Variants in SUPT16H observed in about 807,000 individuals in gnomAD.
SUPT16H encodes FACT complex subunit SPT16.
SUPT16H carries 24 observed loss-of-function variants against 136.2 expected under a neutral mutation model. The ratio of observed to expected loss-of-function variants is 0.18; its 90% CI spans 0.13 to 0.25. SUPT16H has a LOEUF of 0.25. Ranked by LOEUF, SUPT16H falls within the 10% of genes least tolerant of loss-of-function variation. The probability of loss-of-function intolerance (pLI) is 1.00; values close to 1 mark genes in which losing one functional copy is unlikely to be tolerated. For missense variants in SUPT16H, 623 were observed against 1,270.2 expected (o/e 0.49, Z 7.74); for synonymous variants, 415 against 428.2 (o/e 0.97, Z 0.38).
intron 1 of SUPT16H, among the ~76,000 whole-genome samples, chr14:21,382,195 A>G (rs1336560988): frequency 6.6e-6 from 1 of 152,232 alleles, no homozygotes; most frequent in Non-Finnish European, 1.5e-5. Context: ...GTTTTTCATA[A>G]TAGCCACAGG....
chr14:21,357,446 A>C, intron 21 of SUPT16H, 80 bp from the exon 22 acceptor site: 1 of 1,379,510 alleles, frequency 7.2e-7, no homozygotes. Flanking sequence ...TCATGATCTA[A>C]ATCACTACAT....
intron 2 of SUPT16H, 139 bp from the exon 3 acceptor site, chr14:21,372,183 G>T: frequency 1.0e-6 from 1 of 956,634 alleles, no homozygotes; most frequent in Non-Finnish European, 1.5e-6. Flanking sequence ...GGAGTCTGGA[G>T]TGGATACAAA....
At chr14:21,376,794 T>G (rs1886911186) in intron 1 of SUPT16H, among the ~76,000 whole-genome samples, 1 of 152,216 alleles carries the variant, frequency 6.6e-6, no homozygotes, top group Non-Finnish European at 1.5e-5. Flanking sequence ...TCTTTTAATA[T>G]TCTATGTAAA....
In SUPT16H at chr14:21,369,107, CAA is replaced by C. The variant is rs569199471; in HGVS notation, c.782+95_782+96del. 205 of 1,423,152 alleles carry C rather than the reference CAA, an allele frequency of 1.4e-4. No individual in the cohort carries two copies. The African/African-American group carries it at 2.8e-3, about 20-fold the overall frequency. 88.2% of individuals were successfully genotyped at this position (1,423,152 alleles called of 1,614,324 possible). ...ACACTATACATTATATACTTGTAGC[CAA>C]ATTTCAGTGTACCCCACAAATTTGT... On this transcript the variant is annotated intron_variant, in intron 6 of 25. Coordinates refer to ENST00000216297, the MANE Select transcript of SUPT16H (RefSeq NM_007192.4).
At chr14:21,377,668 G>T (rs143281983) in intron 1 of SUPT16H, among the ~76,000 whole-genome samples, 2,017 of 151,832 alleles carry the variant, frequency 0.013, 42 homozygotes, top group African/African-American at 0.047. Flanking sequence ...CTGTTGCCCA[G>T]GTTGGAGTGC....
chr14:21,364,989 G>C lies in SUPT16H; in HGVS notation c.1121-50C>G, dbSNP rs373165532. ...TCTGTGGCTGTGACAATGTGGAGAGGTGTGAGACATATGCCTAAAAGAAAA... is the reference window on the plus strand; with the variant it reads ...TCTGTGGCTGTGACAATGTGGAGAGCTGTGAGACATATGCCTAAAAGAAAA... On this transcript the variant is annotated intron_variant, in intron 9 of 25. Coordinates refer to ENST00000216297, the MANE Select transcript of SUPT16H (RefSeq NM_007192.4). 36 of 1,605,912 alleles carry C rather than the reference G, an allele frequency of 2.2e-5. No homozygotes were observed. The African/African-American group carries it at 4.6e-4, about 20-fold the overall frequency.
At chr14:21,372,596 T>C (rs1886810833) in intron 2 of SUPT16H, 3 of 406,980 alleles carry the variant, frequency 7.4e-6, no homozygotes, top group Non-Finnish European at 1.4e-5. Context: ...TCTCTGTCTC[T>C]TTTTGCTTGG....
intron 6 of SUPT16H, among the ~76,000 whole-genome samples, chr14:21,368,682 G>A (rs1886723735): frequency 6.6e-6 from 1 of 152,150 alleles, no homozygotes; most frequent in South Asian, 2.1e-4. Context: ...AGTGAGTACT[G>A]GATTACAAAA....
intron 2 of SUPT16H, chr14:21,372,312 A>C: frequency 2.5e-6 from 1 of 397,868 alleles, no homozygotes; most frequent in Non-Finnish European, 4.5e-6. Flanking sequence ...CAAATCAGTT[A>C]AACGATTTGT....
intron 1 of SUPT16H, 71 bp from the exon 2 acceptor site, chr14:21,373,501 T>C (rs906326214): frequency 2.7e-6 from 3 of 1,115,742 alleles, no homozygotes; most frequent in African/African-American, 3.1e-5. Flanking sequence ...TCAATATTTA[T>C]CTAGGACAGG....
chr14:21,356,707 T>G (rs999484786), intron 22 of SUPT16H, among the ~76,000 whole-genome samples: 13 of 152,250 alleles, frequency 8.5e-5, no homozygotes, highest in African/African-American at 3.1e-4. Flanking sequence ...ACCACTACAC[T>G]TGAGCCTGGG....
chr14:21,372,786 A>G (rs1447152306), intron 2 of SUPT16H: 2 of 393,708 alleles, frequency 5.1e-6, no homozygotes, highest in African/African-American at 4.2e-5. Flanking sequence ...TAGCAGCTAA[A>G]TCCATACTGA....
Position 21,363,342 on chromosome 14 carries a change from C to A in SUPT16H, c.1300-14G>T, listed in dbSNP as rs767586333. On this transcript the variant is annotated splice_polypyrimidine_tract_variant and intron_variant, in intron 11 of 25. Transcript: ENST00000216297. The stretch of plus-strand genomic sequence containing the variant: ...CTCATCTTCATTCTATGGAAAAAGT[C>A]ATAATCAAAAAATGAAATTTTAATT... The A allele has an allele frequency of 2.3e-5, 37 of 1,599,342 alleles. No individual in the cohort carries two copies. Among genetic ancestry groups the A allele is most frequent in the Non-Finnish European group, 3.2e-5 (37 of 1,171,440 alleles).
chr14:21,352,877 T>A, intron 25 of SUPT16H, 59 bp from the exon 26 acceptor site: 4 of 1,609,132 alleles, frequency 2.5e-6, no homozygotes, highest in Non-Finnish European at 3.4e-6. Context: ...CTAATATTAC[T>A]GGATAGCATG....
intron 6 of SUPT16H, among the ~76,000 whole-genome samples, 164 bp from the exon 7 acceptor site, chr14:21,368,605 C>T (rs550470444): frequency 6.6e-6 from 1 of 152,248 alleles, no homozygotes; most frequent in East Asian, 1.9e-4. Flanking sequence ...AATAAACTAA[C>T]CAGTTTATAA....
chr14:21,354,716 C>T lies in SUPT16H; in HGVS notation c.2661-176G>A, dbSNP rs28502380. ...AAGTGATTCTCCTGCCTCAGCCTCC[C>T]GAGTATCTGGGATTACAGGCGCATG... On this transcript the variant is annotated intron_variant, in intron 22 of 25. Coordinates refer to ENST00000216297, the MANE Select transcript of SUPT16H (RefSeq NM_007192.4). 386 of 614,456 alleles carry T rather than the reference C, an allele frequency of 6.3e-4. 1 individual carries two copies. Among genetic ancestry groups the T allele is most frequent in the African/African-American group, 6.1e-3 (318 of 51,920 alleles). 38.1% of individuals were successfully genotyped at this position (614,456 alleles called of 1,614,324 possible).
intron 1 of SUPT16H, among the ~76,000 whole-genome samples, chr14:21,378,761 CAAAA>C (rs1886958168): frequency 6.6e-6 from 1 of 152,060 alleles, no homozygotes; most frequent in African/African-American, 2.4e-5. Flanking sequence ...ATGAAAGAAA[CAAAA>C]AACTCAAAGT....
chr14:21,360,821 T>G (rs1423688148), intron 17 of SUPT16H, 25 bp downstream of exon 17: 1 of 1,595,178 alleles, frequency 6.3e-7, no homozygotes, highest in South Asian at 1.1e-5. Context: ...AGAGAAAGCC[T>G]AGGTACAGGA....
intron 4 of SUPT16H, 148 bp downstream of exon 4, chr14:21,370,188 A>C: frequency 1.7e-6 from 2 of 1,156,782 alleles, no homozygotes; most frequent in Admixed American, 5.1e-5. Context: ...AAAAAAAATA[A>C]AACTGGCACA....
Sources: allele counts gnomAD v4.1 joint callset (sites outside exome capture counted in the v4.1 genomes callset), GRCh38; gene constraint gnomAD v4.1.1; transcripts MANE v1.5; gene names NCBI Gene and HGNC (gene_info 2026-07-23, HGNC 2026-07-21).